SMAD2: variants seen among roughly 807,000 people sequenced by gnomAD.
SMAD2 encodes the protein SMAD family member 2.
In SMAD2, 8 loss-of-function variants were observed where a neutral mutation model predicts 64.4. The observed-to-expected ratio is 0.12, with a 90% confidence interval of 0.07 to 0.22. SMAD2 has a LOEUF of 0.22. SMAD2 is among the 10% of genes least tolerant of loss of function. The probability of loss-of-function intolerance (pLI) is 1.00; values close to 1 mark genes in which losing one functional copy is unlikely to be tolerated. For synonymous variants in SMAD2, 203 were observed against 195.8 expected, an observed-to-expected ratio of 1.04 and a Z score of -0.31; for missense variants, 289 against 561.2, an observed-to-expected ratio of 0.51 and a Z score of 4.90.
At chr18:47,857,369 C>T (rs1019791967) in intron 6 of SMAD2, among the ~76,000 whole-genome samples, 1 of 152,106 alleles carries the variant, frequency 6.6e-6, no homozygotes, top group African/African-American at 2.4e-5. Context: ...AGTGCGATAG[C>T]ATCTTAGGTT....
chr18:47,851,404 T>C, intron 6 of SMAD2, 77 bp from the exon 7 acceptor site: 1 of 902,302 alleles, frequency 1.1e-6, no homozygotes, highest in Non-Finnish European at 1.9e-6. Context: ...TAGCTTTATC[T>C]GGTTATAATT....
At position 47,837,340 on chromosome 18, in the gene SMAD2, A is replaced by G. The variant is rs536695149; in HGVS notation, c.*4487T>C. 3.2e-5 allele frequency: 6 copies of G among 190,438 alleles called. No homozygotes were observed. The South Asian group carries it at 1.2e-3, about 37-fold the overall frequency. 11.8% of individuals were successfully genotyped at this position (190,438 alleles called of 1,614,324 possible). On this transcript the variant is annotated 3_prime_UTR_variant, in exon 11 of 11. Coordinates refer to ENST00000262160, the MANE Select transcript of SMAD2 (RefSeq NM_005901.6). ...CACTTTGGGAAGCCGAGGTGGACAG[A>G]TCACGAGGTCAGGAGATCGAGACCA...
intron 1 of SMAD2, chr18:47,912,083 G>A (rs1271911439): frequency 1.3e-5 from 2 of 152,236 alleles, no homozygotes; most frequent in East Asian, 3.9e-4. Flanking sequence ...CACAAGTATT[G>A]AGAGAGATAG....
At chr18:47,894,641 G>T (rs1463208818) in intron 2 of SMAD2, among the ~76,000 whole-genome samples, 1 of 152,114 alleles carries the variant, frequency 6.6e-6, no homozygotes, top group Non-Finnish European at 1.5e-5. Context: ...CCTCCAGAAG[G>T]AAACTTTCCA....
Position 47,839,707 on chromosome 18 carries a change from T to A in SMAD2, c.*2120A>T, listed in dbSNP as rs1418024810. 4.3e-6 allele frequency: 1 copy of A among 233,330 alleles called. No homozygotes were observed. The highest frequency in any genetic ancestry group is 6.0e-5 in the East Asian group (1 of 16,678). The allele number at this position is 233,330 out of a possible 1,614,324, so 14.5% of individuals were successfully genotyped here. On this transcript the variant is annotated 3_prime_UTR_variant, in exon 11 of 11. Transcript: ENST00000262160. Reference sequence around the variant, plus strand: ...AACCATTCTGATCTTCAAGTTTGGATTTGTATAGAGGTTTCTGTATAAAGC... The same window carrying A: ...AACCATTCTGATCTTCAAGTTTGGAATTGTATAGAGGTTTCTGTATAAAGC...
rs1409049097 is a variant in SMAD2, at chr18:47,814,577, A to G, written c.*27250T>C. The G allele has an allele frequency of 6.6e-6, 1 of 152,228 alleles. No individual in the cohort carries two copies. Among genetic ancestry groups the G allele is most frequent in the Non-Finnish European group, 1.5e-5 (1 of 68,052 alleles). 9.4% of individuals were successfully genotyped at this position (152,228 alleles called of 1,614,324 possible). A position where few individuals can be genotyped will look rare whatever the true frequency, so the allele number is the denominator to read the frequency against. The stretch of plus-strand genomic sequence containing the variant: ...GATTGCAATTGCCCTGTTGGGAAAT[A>G]AACGGAAACTTCAGGATGGGTATGC... On this transcript the variant is annotated 3_prime_UTR_variant, in exon 11 of 11. Coordinates refer to ENST00000262160, the MANE Select transcript of SMAD2 (RefSeq NM_005901.6).
chr18:47,828,437 C>G lies in SMAD2; in HGVS notation c.*13390G>C, dbSNP rs529820417. ...CGCCACCCTGTCTGGGAGGTGTACCCAACAGCTCATTGAGAGCGGGCCATG... is the reference window on the plus strand; with the variant it reads ...CGCCACCCTGTCTGGGAGGTGTACCGAACAGCTCATTGAGAGCGGGCCATG... On this transcript the variant is annotated 3_prime_UTR_variant, in exon 11 of 11. Coordinates refer to ENST00000262160, the MANE Select transcript of SMAD2 (RefSeq NM_005901.6). 2.4e-5 allele frequency: 4 copies of G among 165,082 alleles called. No homozygotes were observed. In the East Asian group the frequency reaches 7.2e-4, roughly 30 times the overall value. The allele number at this position is 165,082 out of a possible 1,614,324, so 10.2% of individuals were successfully genotyped here. A position where few individuals can be genotyped will look rare whatever the true frequency, so the allele number is the denominator to read the frequency against.
chr18:47,844,790 T>TA (rs1468171968), intron 10 of SMAD2: 2 of 159,378 alleles, frequency 1.3e-5, no homozygotes, highest in African/African-American at 4.8e-5. Context: ...ATACTACACT[T>TA]AAAACAGCAC....
rs759337336 is a variant in SMAD2, at chr18:47,851,285, T to A, written c.773A>T (p.Asn258Ile). ...ELSPTTLSPV[N>I]HSLDLQPVTY... ...TATGTGCAACTTACCCAAGCTATGA[T>A]TAACAGGGGAAAGAGTAGTAGGAGA... Residue 258 changes from asparagine to isoleucine, a missense_variant, in exon 7 of 11, where the codon AAT (asparagine) becomes ATT (isoleucine). Around this residue, in one of 6 missense-constraint regions of SMAD2, gnomAD observed 119 missense variants for 156.7 expected, o/e 0.76. Coordinates refer to ENST00000262160, the MANE Select transcript of SMAD2 (RefSeq NM_005901.6). 1 of 1,607,822 alleles carries A rather than the reference T, an allele frequency of 6.2e-7. No individual in the cohort carries two copies. The highest frequency in any genetic ancestry group is 1.7e-5 in the Admixed American group (1 of 59,952).
rs77958995 is a variant in SMAD2, at chr18:47,848,387, A to C, written c.997+88T>G. On this transcript the variant is annotated intron_variant, in intron 8 of 10. Transcript: ENST00000262160. ...CCAGAGAGAAAGCTGGTTTTACTGC[A>C]CACAAGCTCTTGATGTGGCACACCA... 2.0e-3 allele frequency: 2,107 copies of C among 1,029,848 alleles called. 32 individuals carry two copies. The African/African-American group carries it at 0.029, about 14-fold the overall frequency. 63.8% of individuals were successfully genotyped at this position (1,029,848 alleles called of 1,614,324 possible).
chr18:47,869,176 G>A (rs1279842646), intron 4 of SMAD2, 67 bp downstream of exon 4: 6 of 1,149,220 alleles, frequency 5.2e-6, no homozygotes, highest in Non-Finnish European at 6.5e-6. Context: ...GGTCACAAGA[G>A]TACTTAAATA....
At chr18:47,853,101 G>A (rs1463209968) in intron 6 of SMAD2, 2 of 165,618 alleles carry the variant, frequency 1.2e-5, no homozygotes, top group Non-Finnish European at 2.6e-5. Flanking sequence ...GGAGACTGAG[G>A]TGGGTGGATC....
intron 1 of SMAD2, among the ~76,000 whole-genome samples, chr18:47,914,671 T>TAATA (rs1214831441): frequency 3.1e-5 from 3 of 98,284 alleles, no homozygotes. Context: ...AACAAATTCC[T>TAATA]ACTAAAGGTC....
At position 47,810,895 on chromosome 18, in the gene SMAD2, T is replaced by C. The variant is rs1404269137; in HGVS notation, c.*30932A>G. 1 of 152,268 alleles carries C rather than the reference T, an allele frequency of 6.6e-6. No individual in the cohort carries two copies. The highest frequency in any genetic ancestry group is 1.9e-4 in the East Asian group (1 of 5,202). 9.4% of individuals were successfully genotyped at this position (152,268 alleles called of 1,614,324 possible). On this transcript the variant is annotated 3_prime_UTR_variant, in exon 11 of 11. Transcript: ENST00000262160. ...GCATCGTCTTCCTTAGACTGTGGGA[T>C]GCAAATCGTGGTTTTCTTATGCCAA...
intron 2 of SMAD2, among the ~76,000 whole-genome samples, chr18:47,877,662 T>C (rs1364060451): frequency 1.3e-5 from 2 of 152,184 alleles, no homozygotes; most frequent in Non-Finnish European, 2.9e-5. Flanking sequence ...TTAAGAATGA[T>C]AGCCTTTTAT....
chr18:47,896,581 T>A lies in SMAD2; in HGVS notation c.176A>T (p.Asp59Val). 1 of 1,614,192 alleles carries A rather than the reference T, an allele frequency of 6.2e-7. No homozygotes were observed. Among genetic ancestry groups the A allele is most frequent in the Non-Finnish European group, 8.5e-7 (1 of 1,180,030 alleles). The change falls in exon 2 of 11, where the codon GAT (aspartate) becomes GTT (valine). Residue 59 changes from aspartate (D) to valine (V), a missense_variant. Around this residue, in one of 6 missense-constraint regions of SMAD2, gnomAD observed 89 missense variants for 137.1 expected, o/e 0.65. Coordinates refer to ENST00000262160, the MANE Select transcript of SMAD2 (RefSeq NM_005901.6). ...VKKLKKTGRL[D>V]ELEKAITTQN... ...AGTGGTGATGGCTTTCTCAAGCTCATCTAATCGTCCTGTTTTCTTTAGCTT... is the reference window on the plus strand; with the variant it reads ...AGTGGTGATGGCTTTCTCAAGCTCAACTAATCGTCCTGTTTTCTTTAGCTT...
Position 47,815,502 on chromosome 18 carries a change from A to G in SMAD2, c.*26325T>C, listed in dbSNP as rs571408824. On this transcript the variant is annotated 3_prime_UTR_variant, in exon 11 of 11. Transcript: ENST00000262160. The stretch of plus-strand genomic sequence containing the variant: ...CAGTGCTCCAATTCCAGACCTGCTA[A>G]AGCAGAATCTCACAATTGAGGCCAG... The G allele has an allele frequency of 3.3e-5, 5 of 152,372 alleles. No individual in the cohort carries two copies. The highest frequency in any genetic ancestry group is 7.3e-5 in the Non-Finnish European group (5 of 68,038). The allele number at this position is 152,372 out of a possible 1,614,324, so 9.4% of individuals were successfully genotyped here. A position where few individuals can be genotyped will look rare whatever the true frequency, so the allele number is the denominator to read the frequency against.
In SMAD2 at chr18:47,839,260, C is replaced by T. The variant is rs1913722510; in HGVS notation, c.*2567G>A. ...AAACAGCATAGTAGGCACTGCTTGA[C>T]CTAACACAGTAATGCAAGAGTAACC... On this transcript the variant is annotated 3_prime_UTR_variant, in exon 11 of 11. Transcript: ENST00000262160. 1 of 233,240 alleles carries T rather than the reference C, an allele frequency of 4.3e-6. No individual in the cohort carries two copies. The highest frequency in any genetic ancestry group is 8.5e-6 in the Non-Finnish European group (1 of 118,068). The allele number at this position is 233,240 out of a possible 1,614,324, so 14.4% of individuals were successfully genotyped here. A position where few individuals can be genotyped will look rare whatever the true frequency, so the allele number is the denominator to read the frequency against.
intron 6 of SMAD2, among the ~76,000 whole-genome samples, chr18:47,857,439 G>A (rs560432927): frequency 1.3e-4 from 20 of 152,260 alleles, no homozygotes; most frequent in African/African-American, 4.3e-4. Context: ...AAAAAAGGCT[G>A]CTTTTGTTTT....
Sources: gnomAD v4.1 joint callset for allele counts (sites outside exome capture counted in the v4.1 genomes callset) on GRCh38, gnomAD v4.1.1 for gene constraint, gnomAD v4.1.1 regional missense constraint, MANE v1.5 for transcripts, NCBI Gene and HGNC (gene_info 2026-07-23, HGNC 2026-07-21) for gene names.